Variants in PPM1F observed in about 807,000 individuals in gnomAD.
The protein encoded by PPM1F is protein phosphatase 1F.
A neutral mutation model predicts 35.5 loss-of-function variants in PPM1F; 17 were observed. The ratio of observed to expected loss-of-function variants is 0.48; its 90% CI spans 0.33 to 0.72. The LOEUF is 0.72. Ranked by LOEUF, PPM1F falls within the 30% of genes least tolerant of loss-of-function variation. The pLI is 0.02. For synonymous variants in PPM1F, 241 were observed against 255.5 expected (o/e 0.94, Z 0.54); for missense variants, 521 against 613.0 (o/e 0.85, Z 1.59).
intron 6 of PPM1F, chr22:21,925,973 C>T (rs1458539020): frequency 3.1e-6 from 1 of 324,704 alleles, no homozygotes; most frequent in East Asian, 4.9e-5. Context: ...GCTTGCGAGC[C>T]CGACACAGAC....
At chr22:21,934,410 G>C (rs1369077513) in intron 3 of PPM1F, 184 bp from the exon 4 acceptor site, 3 of 578,572 alleles carry the variant, frequency 5.2e-6, no homozygotes, top group African/African-American at 1.9e-5. Context: ...TGTCTAGTTT[G>C]GCAACTTGCC....
At position 21,922,912 on chromosome 22, in the gene PPM1F, T is replaced by C. The variant is rs1179638049; in HGVS notation, c.*180A>G. ...CTTCCACCATCTGCCCGCCACCCAG[T>C]GCAGTTCCACAGCCACCAGGACGGG... On this transcript the variant is annotated 3_prime_UTR_variant, in exon 8 of 8. Coordinates refer to ENST00000263212, the MANE Select transcript of PPM1F (RefSeq NM_014634.4). 6.5e-6 allele frequency: 5 copies of C among 766,512 alleles called. No individual in the cohort carries two copies. The African/African-American group carries it at 8.7e-5, about 13-fold the overall frequency. 47.5% of individuals were successfully genotyped at this position (766,512 alleles called of 1,614,324 possible).
chr22:21,951,304 C>CGCCAGG (rs2070834461), intron 1 of PPM1F: 1 of 149,470 alleles, frequency 6.7e-6, no homozygotes, highest in Non-Finnish European at 1.5e-5. Context: ...TGGGCAGCAG[C>CGCCAGG]GCCAGGTCTT....
intron 2 of PPM1F, chr22:21,941,471 G>GGA (rs2070724537): frequency 6.6e-6 from 1 of 152,344 alleles, no homozygotes. Context: ...ACCCTGATGG[G>GGA]GATGGAAGAG....
rs373611791 is a variant in PPM1F, at chr22:21,923,289, C to T, written c.1168G>A (p.Ala390Thr). The change falls in exon 8 of 8, where the codon GCC (alanine) becomes ACC (threonine). Residue 390 changes from alanine (A) to threonine (T), a missense_variant. This residue lies in a region of PPM1F where 163 missense variants were observed against 169.6 expected (regional missense o/e 0.96). Transcript: ENST00000263212. ...TRQQGSGLRV[A>T]EELVAAARER... Reference sequence around the variant, plus strand: ...CGGGCCGCAGCCACCAGCTCCTCGGCGACACGGAGCCCGCTGCCCTGCTGC... The same window carrying T: ...CGGGCCGCAGCCACCAGCTCCTCGGTGACACGGAGCCCGCTGCCCTGCTGC... 29 of 1,613,284 alleles carry T rather than the reference C, an allele frequency of 1.8e-5. No individual in the cohort carries two copies. The highest frequency in any genetic ancestry group is 2.2e-5 in the South Asian group (2 of 91,070).
chr22:21,926,718 C>T (rs1427371360), intron 6 of PPM1F, among the ~76,000 whole-genome samples: 1 of 152,180 alleles, frequency 6.6e-6, no homozygotes, highest in Admixed American at 6.5e-5. Flanking sequence ...GCATCCCTTA[C>T]CGGTTTATCA....
intron 1 of PPM1F, chr22:21,947,744 G>A (rs376643751): frequency 7.5e-4 from 114 of 152,374 alleles, no homozygotes; most frequent in African/African-American, 2.5e-3. Context: ...GCAGGGGCCT[G>A]AGGTGCAGGA....
Position 21,929,248 on chromosome 22 carries a change from C to T in PPM1F, c.891+1900G>A, listed in dbSNP as rs553841780. Among the ~76,000 whole-genome samples, 9 of 152,214 alleles carry T rather than the reference C, an allele frequency of 5.9e-5. No homozygotes were observed. In the South Asian group the frequency reaches 8.3e-4, roughly 14 times the overall value. ...GAGGGGCCAAGCCTACAGAGCATGG[C>T]GGCAGGAAAGGGGAGGTGGGGGGCA... is the stretch of plus-strand genomic sequence containing the variant. On this transcript the variant is annotated intron_variant, in intron 6 of 7. Coordinates refer to ENST00000263212, the MANE Select transcript of PPM1F (RefSeq NM_014634.4).
intron 5 of PPM1F, 46 bp from the exon 6 acceptor site, chr22:21,931,337 G>C: frequency 6.3e-7 from 1 of 1,575,940 alleles, no homozygotes; most frequent in Non-Finnish European, 8.6e-7. Flanking sequence ...GGTAGGGAAG[G>C]GCAGAGGATG....
In PPM1F at chr22:21,922,832, G is replaced by A. The variant is rs2070462238; in HGVS notation, c.*260C>T. On this transcript the variant is annotated 3_prime_UTR_variant, in exon 8 of 8. Transcript: ENST00000263212. ...CTCTGGTCCCACCCCGGGCCTAATA[G>A]GAGCTGGGAGCAAGAGCCGGTCCAT... 3 of 475,912 alleles carry A rather than the reference G, an allele frequency of 6.3e-6. No individual in the cohort carries two copies. In the South Asian group the frequency reaches 1.1e-4, roughly 17 times the overall value. The allele number at this position is 475,912 out of a possible 1,614,324, so 29.5% of individuals were successfully genotyped here. A position where few individuals can be genotyped will look rare whatever the true frequency, so the allele number is the denominator to read the frequency against.
chr22:21,950,510 T>G (rs2145811190), intron 1 of PPM1F: 1 of 152,290 alleles, frequency 6.6e-6, no homozygotes, highest in South Asian at 2.1e-4. Flanking sequence ...AAATACTTGT[T>G]GAGTCTTGCT....
rs937084940 is a variant in PPM1F at position 21,922,792 on chromosome 22, T to C, written c.*300A>G. 4 of 339,858 alleles carry C rather than the reference T, an allele frequency of 1.2e-5. No individual in the cohort carries two copies. The highest frequency in any genetic ancestry group is 9.0e-5 in the Admixed American group (2 of 22,138). The allele number at this position is 339,858 out of a possible 1,614,324, so 21.1% of individuals were successfully genotyped here. ...ACCAGTGTCTTTGGTTTGGCTGCCG[T>C]TGGGCACCTATGACCTCTGGTCCCA... On this transcript the variant is annotated 3_prime_UTR_variant, in exon 8 of 8. Transcript: ENST00000263212.
intron 7 of PPM1F, 43 bp downstream of exon 7, chr22:21,925,526 C>T (rs199896550): frequency 7.9e-5 from 125 of 1,581,188 alleles, no homozygotes; most frequent in Non-Finnish European, 1.0e-4. Context: ...CCTGGGCTTC[C>T]GAGAGACCTT....
At position 21,922,934 on chromosome 22, in the gene PPM1F, C is replaced by T. The variant is rs2070506; in HGVS notation, c.*158G>A. ...CAGTGCAGTTCCACAGCCACCAGGACGGGCTGCGGGGGGTGTCCCGACTGG... is the reference window on the plus strand; with the variant it reads ...CAGTGCAGTTCCACAGCCACCAGGATGGGCTGCGGGGGGTGTCCCGACTGG... On this transcript the variant is annotated 3_prime_UTR_variant, in exon 8 of 8. Coordinates refer to ENST00000263212, the MANE Select transcript of PPM1F (RefSeq NM_014634.4). 0.062 allele frequency: 56,906 copies of T among 921,946 alleles called. 3,148 individuals carry two copies. Among genetic ancestry groups the T allele is most frequent in the East Asian group, 0.24 (9,867 of 40,360 alleles). 57.1% of individuals were successfully genotyped at this position (921,946 alleles called of 1,614,324 possible).
chr22:21,945,946 T>TC lies in PPM1F; in HGVS notation c.102dup (p.Asn35GlufsTer26). ...TTCCATGGCAGAGGGTCCTCTGGGT[T>TC]CAGCAGGGCTGGGAAGTCTTGCAGG... On this transcript the variant is annotated frameshift_variant, in exon 2 of 8. Transcript: ENST00000263212. LOFTEE classifies it high-confidence loss of function. 1 of 1,612,838 alleles carries TC rather than the reference T, an allele frequency of 6.2e-7. No homozygotes were observed. The highest frequency in any genetic ancestry group is 8.5e-7 in the Non-Finnish European group (1 of 1,179,424).
Position 21,923,403 on chromosome 22 carries a change from C to T in PPM1F, c.1054G>A (p.Glu352Lys), listed in dbSNP as rs1485861558. 3.1e-6 allele frequency: 5 copies of T among 1,613,778 alleles called. No homozygotes were observed. Among genetic ancestry groups the T allele is most frequent in the Non-Finnish European group, 4.2e-6 (5 of 1,179,956 alleles). ...TCACAGGCAAGCAGCAGGTAGTCCTCGGAGCCCGTCAGCGCCCGGGAAGCT... is the reference window on the plus strand; with the variant it reads ...TCACAGGCAAGCAGCAGGTAGTCCTTGGAGCCCGTCAGCGCCCGGGAAGCT... ...DAASRALTGS[E>K]DYLLLACDGF... The change falls in exon 8 of 8, where the codon GAG becomes AAG. Residue 352 changes from glutamate (E) to lysine (K), a missense_variant. Glu to Lys is a moderately conservative substitution (Grantham distance 56). This residue lies in a region of PPM1F where 163 missense variants were observed against 169.6 expected (regional missense o/e 0.96). Transcript: ENST00000263212.
Position 21,930,450 on chromosome 22 carries a change from C to T in PPM1F, c.891+698G>A, listed in dbSNP as rs367946524. Among the ~76,000 whole-genome samples, 76 of 152,316 alleles carry T rather than the reference C, an allele frequency of 5.0e-4. No homozygotes were observed. The South Asian group carries it at 0.015, about 30-fold the overall frequency. On this transcript the variant is annotated intron_variant, in intron 6 of 7. Coordinates refer to ENST00000263212, the MANE Select transcript of PPM1F (RefSeq NM_014634.4). Reference sequence around the variant, plus strand: ...AGCACCGAAAGACTGAAAAGATCTTCATGCTCACCCACAAGGGACTGCATG... The same window carrying T: ...AGCACCGAAAGACTGAAAAGATCTTTATGCTCACCCACAAGGGACTGCATG...
rs1329635476 is a variant in PPM1F, at chr22:21,939,421, C to T, written c.355+111G>A. 2.6e-5 allele frequency: 36 copies of T among 1,400,312 alleles called. No homozygotes were observed. The highest frequency in any genetic ancestry group is 4.4e-5 in the Admixed American group (2 of 45,352). The allele number at this position is 1,400,312 out of a possible 1,614,324, so 86.7% of individuals were successfully genotyped here. A position where few individuals can be genotyped will look rare whatever the true frequency, so the allele number is the denominator to read the frequency against. ...TCCTTGATTCTGCTGCCGTTGTGAG[C>T]GAGGGCCCCAGCACCCTTAGGGACC... On this transcript the variant is annotated intron_variant, in intron 3 of 7. Transcript: ENST00000263212. This position sits in a 1 kb window ranked among gnomAD's most constrained non-coding sequence, Gnocchi z 5.1.
In PPM1F at chr22:21,939,528, T is replaced by G. The variant is rs2070700514; in HGVS notation, c.355+4A>C. 7 of 1,600,134 alleles carry G rather than the reference T, an allele frequency of 4.4e-6. No homozygotes were observed. The highest frequency in any genetic ancestry group is 6.0e-6 in the Non-Finnish European group (7 of 1,172,518). On this transcript the variant is annotated splice_donor_region_variant and intron_variant, in intron 3 of 7. Transcript: ENST00000263212. The surrounding 1 kb of genome is among the most constrained non-coding windows in gnomAD (Gnocchi z 5.1). ...GGGGCCACCTCAGAAGAAACAGAAC[T>G]CACAGGTCACAGGGGCCTTTTCCTC... is the stretch of plus-strand genomic sequence containing the variant.
Sources: allele counts gnomAD v4.1 joint callset (sites outside exome capture counted in the v4.1 genomes callset), GRCh38; gene constraint gnomAD v4.1.1; regional missense constraint gnomAD v4.1.1; non-coding constraint Gnocchi (gnomAD v3.1); transcripts MANE v1.5; gene names NCBI Gene and HGNC (gene_info 2026-07-23, HGNC 2026-07-21).